The following LRRTM4 variants were observed in gnomAD, a reference collection of about 807,000 sequenced individuals.
LRRTM4 encodes the protein leucine-rich repeat transmembrane neuronal protein 4.
A neutral mutation model predicts 47.6 loss-of-function variants in LRRTM4; 25 were observed. That is an observed-to-expected ratio of 0.53 (90% confidence interval 0.38 to 0.73). The LOEUF (loss-of-function observed/expected upper bound fraction) is 0.73, where lower values mean the gene tolerates loss of function less well. LRRTM4 is among the 30% of genes least tolerant of loss of function. LRRTM4 has a pLI of 0.00. For missense variants in LRRTM4, 638 were observed against 713.4 expected (o/e 0.89, Z 1.20); for synonymous variants, 311 against 269.5 (o/e 1.15, Z -1.51).
chr2:77,223,184 A>T (rs1321500978), intron 3 of LRRTM4, among the ~76,000 whole-genome samples: 1 of 152,150 alleles, frequency 6.6e-6, no homozygotes, highest in African/African-American at 2.4e-5. Flanking sequence ...ACTCTCAATA[A>T]ATTAGGTATT....
chr2:77,518,536 CAT>C lies in LRRTM4; in HGVS notation c.1331_1332del (p.Tyr444CysfsTer30). On this transcript the variant is annotated frameshift_variant, in exon 3 of 4. Coordinates refer to ENST00000409884, the MANE Select transcript of LRRTM4 (RefSeq NM_001134745.3). LOFTEE classifies it high-confidence loss of function. ...LSVAMILLVIYVSWKRYPASM... is the reference protein window; with the variant it reads ...LSVAMILLVIXVSWKRYPASM... ...CTGGCTGGGTAGCGTTTCCAAGACA[CAT>C]AGATCACCAAGAGGATCATGGCCAC... is the stretch of plus-strand genomic sequence containing the variant. The C allele has an allele frequency of 6.2e-7, 1 of 1,613,318 alleles. No individual in the cohort carries two copies. Among genetic ancestry groups the C allele is most frequent in the Non-Finnish European group, 8.5e-7 (1 of 1,179,584 alleles).
At position 77,342,241 on chromosome 2, in the gene LRRTM4, C is replaced by T. The variant is rs186143746; in HGVS notation, c.1551+176077G>A. On this transcript the variant is annotated intron_variant, in intron 3 of 3. Coordinates refer to ENST00000409884, the MANE Select transcript of LRRTM4 (RefSeq NM_001134745.3). ...AATGTTAGAAGTCAATAGTATACGT[C>T]AGTGGTTTTCAACCAGGGTGGTTTT... Among the ~76,000 whole-genome samples the T allele has an allele frequency of 1.7e-3, 262 of 152,036 alleles. 1 individual carries two copies. The highest frequency in any genetic ancestry group is 6.0e-3 in the African/African-American group (251 of 41,524).
chr2:76,803,311 TAAGAC>T (rs1675801158), intron 3 of LRRTM4, among the ~76,000 whole-genome samples: 4 of 151,958 alleles, frequency 2.6e-5, no homozygotes, highest in Admixed American at 2.6e-4. Context: ...TTTCTCAAAA[TAAGAC>T]AAACAAATAG....
At chr2:77,343,472 T>C (rs938863749) in intron 3 of LRRTM4, among the ~76,000 whole-genome samples, 7 of 151,988 alleles carry the variant, frequency 4.6e-5, no homozygotes, top group African/African-American at 9.7e-5. Flanking sequence ...TAGTAATCAG[T>C]ATCTTGTATT....
chr2:77,031,710 CCAT>C (rs1678662207), intron 3 of LRRTM4, among the ~76,000 whole-genome samples: 1 of 146,140 alleles, frequency 6.8e-6, no homozygotes, highest in Non-Finnish European at 1.5e-5. Context: ...ATAATGAACA[CCAT>C]GTGATCTCTA....
chr2:77,075,914 CAAAAAAAAA>C (rs61718845), intron 3 of LRRTM4, among the ~76,000 whole-genome samples: 11 of 36,856 alleles, frequency 3.0e-4, no homozygotes, highest in Admixed American at 4.6e-4. Context: ...GACTCCGTCT[CAAAAAAAAA>C]AAAAAAAAAA....
intron 3 of LRRTM4, among the ~76,000 whole-genome samples, chr2:77,476,751 C>A (rs1677405513): frequency 6.6e-6 from 1 of 151,810 alleles, no homozygotes; most frequent in South Asian, 2.1e-4. Context: ...AATTAATAGT[C>A]TAAATGAACA....
intron 3 of LRRTM4, among the ~76,000 whole-genome samples, chr2:76,812,885 G>A (rs1670787010): frequency 6.7e-6 from 1 of 149,594 alleles, no homozygotes; most frequent in East Asian, 2.0e-4. Flanking sequence ...ATCATTAGTG[G>A]CCACACTGAA....
intron 3 of LRRTM4, among the ~76,000 whole-genome samples, chr2:76,966,619 C>A (rs1186264441): frequency 2.0e-5 from 3 of 151,516 alleles, no homozygotes; most frequent in Middle Eastern, 3.4e-3. Flanking sequence ...TAAGTAATTT[C>A]TTGGAAAAAT....
At chr2:76,832,454 C>CTT (rs541805872) in intron 3 of LRRTM4, among the ~76,000 whole-genome samples, 464 of 94,040 alleles carry the variant, frequency 4.9e-3, no homozygotes, top group Non-Finnish European at 5.4e-3. Flanking sequence ...CCTCGAAGGG[C>CTT]TTTTTTTTTT....
At chr2:76,765,190 T>C (rs972407717) in intron 3 of LRRTM4, among the ~76,000 whole-genome samples, 3 of 152,250 alleles carry the variant, frequency 2.0e-5, no homozygotes, top group African/African-American at 7.2e-5. Flanking sequence ...TCGTCTATTC[T>C]ATGCATGTCA....
At chr2:76,869,036 C>A (rs1435134959) in intron 3 of LRRTM4, among the ~76,000 whole-genome samples, 1 of 152,062 alleles carries the variant, frequency 6.6e-6, no homozygotes, top group Non-Finnish European at 1.5e-5. Context: ...GGTGGCCAGG[C>A]GCGGTGGCTC....
At chr2:77,028,089 A>G (rs768743000) in intron 3 of LRRTM4, among the ~76,000 whole-genome samples, 5 of 152,188 alleles carry the variant, frequency 3.3e-5, no homozygotes, top group African/African-American at 7.2e-5. Flanking sequence ...TTAAAAACAT[A>G]TAAGTAATTA....
chr2:76,886,866 G>A (rs546692363), intron 3 of LRRTM4, among the ~76,000 whole-genome samples: 4 of 151,620 alleles, frequency 2.6e-5, no homozygotes, highest in Non-Finnish European at 5.9e-5. Context: ...ATTTTGAGAG[G>A]GTATGTCTCT....
chr2:77,021,061 C>T (rs188686811), intron 3 of LRRTM4, among the ~76,000 whole-genome samples: 1 of 152,146 alleles, frequency 6.6e-6, no homozygotes. Context: ...CAATAAGAAG[C>T]CACTAAAGGA....
At chr2:77,193,104 T>G (rs976829582) in intron 3 of LRRTM4, among the ~76,000 whole-genome samples, 5 of 152,216 alleles carry the variant, frequency 3.3e-5, no homozygotes, top group Admixed American at 2.0e-4. Context: ...ATGCATTACC[T>G]TTGTAATGCT....
intron 3 of LRRTM4, among the ~76,000 whole-genome samples, chr2:77,307,226 T>C (rs1677306512): frequency 6.6e-6 from 1 of 151,962 alleles, no homozygotes; most frequent in African/African-American, 2.4e-5. Flanking sequence ...CTACTTTGAG[T>C]TCTAAAATTT....
intron 3 of LRRTM4, among the ~76,000 whole-genome samples, chr2:76,873,504 G>GTATATATATATATATATATATA (rs1371189658): frequency 1.4e-5 from 1 of 73,196 alleles, no homozygotes; most frequent in African/African-American, 4.2e-5. Flanking sequence ...ATATATATGT[G>GTATATATATATATATATATATA]TGTATATATA....
At chr2:77,258,364 A>G (rs968590513) in intron 3 of LRRTM4, among the ~76,000 whole-genome samples, 1 of 152,098 alleles carries the variant, frequency 6.6e-6, no homozygotes, top group Non-Finnish European at 1.5e-5. Flanking sequence ...CAATAGCTCT[A>G]TATCTTGATT....
Sources: allele counts gnomAD v4.1 joint callset (sites outside exome capture counted in the v4.1 genomes callset), GRCh38; gene constraint gnomAD v4.1.1; transcripts MANE v1.5; gene names NCBI Gene and HGNC (gene_info 2026-07-23, HGNC 2026-07-21).